ARHGEF28: variants seen among roughly 807,000 people sequenced by gnomAD.
ARHGEF28 encodes Rho guanine nucleotide exchange factor 28.
Under a neutral mutation model 206.6 loss-of-function variants are expected in ARHGEF28, and 152 were observed. That is an observed-to-expected ratio of 0.74 (90% CI 0.64 to 0.84). The LOEUF is 0.84. ARHGEF28 is among the 40% of genes least tolerant of loss of function. The pLI is 0.00. For missense variants in ARHGEF28, 2,028 were observed against 2,073.2 expected (o/e 0.98, Z 0.42); for synonymous variants, 763 against 776.4 (o/e 0.98, Z 0.29).
chr5:73,633,965 A>G lies in ARHGEF28; in HGVS notation c.-12+7643A>G, dbSNP rs1743538915. On this transcript the variant is annotated intron_variant, in intron 1 of 35. Transcript: ENST00000513042. ...TTTTTATGTATGTTGCTATGGAGCCATATATCCTCATTCATGGAATTGTGC... is the reference window on the plus strand; with the variant it reads ...TTTTTATGTATGTTGCTATGGAGCCGTATATCCTCATTCATGGAATTGTGC... Among the ~76,000 whole-genome samples, 3 of 152,188 alleles carry G rather than the reference A, an allele frequency of 2.0e-5. No homozygotes were observed. The South Asian group carries it at 6.2e-4, about 32-fold the overall frequency.
intron 9 of ARHGEF28, among the ~76,000 whole-genome samples, chr5:73,804,320 A>C (rs1307047550): frequency 6.6e-6 from 1 of 152,070 alleles, no homozygotes; most frequent in Non-Finnish European, 1.5e-5. Context: ...TTTCCTGTGA[A>C]TCAGAATTAT....
chr5:73,675,732 C>CAAAAAAA (rs35836692), intron 1 of ARHGEF28, among the ~76,000 whole-genome samples: 17 of 49,630 alleles, frequency 3.4e-4, no homozygotes, highest in African/African-American at 8.6e-4. Flanking sequence ...GACTCTGTCT[C>CAAAAAAA]AAAAAAAAAA....
intron 2 of ARHGEF28, among the ~76,000 whole-genome samples, chr5:73,746,993 G>T (rs1014184977): frequency 7.9e-5 from 12 of 152,094 alleles, no homozygotes; most frequent in Non-Finnish European, 1.8e-4. Flanking sequence ...AATGGGTTTT[G>T]ACTGGAATAC....
intron 9 of ARHGEF28, among the ~76,000 whole-genome samples, chr5:73,823,541 C>G (rs61403874): frequency 0.017 from 2,579 of 152,180 alleles, 76 homozygotes; most frequent in African/African-American, 0.059. Flanking sequence ...TCTTGAGTAT[C>G]TTGAAAGTTG....
At chr5:73,715,485 C>T (rs1749531318) in intron 2 of ARHGEF28, among the ~76,000 whole-genome samples, 1 of 152,160 alleles carries the variant, frequency 6.6e-6, no homozygotes, top group Admixed American at 6.5e-5. Flanking sequence ...CTGAAACTCA[C>T]ACAATGGGTG....
At chr5:73,918,520 T>C (rs1763343269) in intron 35 of ARHGEF28, among the ~76,000 whole-genome samples, 1 of 152,244 alleles carries the variant, frequency 6.6e-6, no homozygotes, top group South Asian at 2.1e-4. Flanking sequence ...TCTCATTTGC[T>C]CTTTATAATG....
intron 4 of ARHGEF28, among the ~76,000 whole-genome samples, chr5:73,755,562 T>A (rs1229526196): frequency 6.6e-6 from 1 of 152,126 alleles, no homozygotes; most frequent in Non-Finnish European, 1.5e-5. Flanking sequence ...AAACTAAGGG[T>A]CTCCAAAATG....
intron 35 of ARHGEF28, among the ~76,000 whole-genome samples, chr5:73,937,444 G>C (rs896106143): frequency 2.0e-5 from 3 of 152,200 alleles, no homozygotes; most frequent in African/African-American, 7.2e-5. Context: ...TGCTCTAAAG[G>C]TTAATAATGC....
At position 73,909,567 on chromosome 5, in the gene ARHGEF28, T is replaced by C. The variant is rs761246037; in HGVS notation, c.4317T>C (p.Asn1439=). ...DADRQHEELA[N]VHQLQHQLQQ... ...ACAGGCAGCATGAGGAGCTGGCCAATGTGCACCAGCTTCAGCACCAGCTCC... is the reference window on the plus strand; with the variant it reads ...ACAGGCAGCATGAGGAGCTGGCCAACGTGCACCAGCTTCAGCACCAGCTCC... Residue 1439 remains asparagine, a synonymous_variant, in exon 34 of 36, where the codon AAT becomes AAC. Coordinates refer to ENST00000513042, the MANE Select transcript of ARHGEF28 (RefSeq NM_001177693.2). 1.1e-5 allele frequency: 18 copies of C among 1,570,240 alleles called. No homozygotes were observed. The highest frequency in any genetic ancestry group is 1.6e-5 in the Non-Finnish European group (18 of 1,157,878).
Position 73,774,268 on chromosome 5 carries a change from GA to G in ARHGEF28, c.659+238del, listed in dbSNP as rs1212478424. Among the ~76,000 whole-genome samples, 9 of 151,756 alleles carry G rather than the reference GA, an allele frequency of 5.9e-5. No homozygotes were observed. The South Asian group carries it at 8.3e-4, about 14-fold the overall frequency. On this transcript the variant is annotated intron_variant, in intron 5 of 35. Transcript: ENST00000513042. ...AAAAGGCTCTGAAAGGAGTGATAAT[GA>G]AAAAAAATTGGGGAAACACTAGCAT... is the stretch of plus-strand genomic sequence containing the variant.
intron 11 of ARHGEF28, 55 bp from the exon 12 acceptor site, chr5:73,846,213 T>A: frequency 2.0e-6 from 3 of 1,499,164 alleles, no homozygotes; most frequent in Non-Finnish European, 2.8e-6. Flanking sequence ...TAGAAACCAA[T>A]GACGCTCTGT....
At chr5:73,736,798 G>T (rs996769394) in intron 2 of ARHGEF28, among the ~76,000 whole-genome samples, 1 of 141,694 alleles carries the variant, frequency 7.1e-6, no homozygotes, top group Non-Finnish European at 1.6e-5. Flanking sequence ...CCATGGTAAG[G>T]TTTGTAAACA....
rs949024005 is a variant in ARHGEF28 at position 73,914,967 on chromosome 5, C to T, written c.4948+3392C>T. On this transcript the variant is annotated intron_variant, in intron 35 of 35. Transcript: ENST00000513042. The stretch of plus-strand genomic sequence containing the variant: ...TATTGCCCAGGCGGGTCTTGAACTC[C>T]TGGACTGAAGCGATTGGCTGTTTCA... Among the ~76,000 whole-genome samples the T allele has an allele frequency of 3.9e-5, 6 of 152,102 alleles. No homozygotes were observed. In the East Asian group the frequency reaches 1.2e-3, roughly 29 times the overall value.
chr5:73,872,710 G>A (rs1422417220), intron 21 of ARHGEF28, among the ~76,000 whole-genome samples: 3 of 152,164 alleles, frequency 2.0e-5, no homozygotes, highest in Non-Finnish European at 4.4e-5. Flanking sequence ...CTAGCTGAAG[G>A]TATCTAAAGA....
intron 2 of ARHGEF28, among the ~76,000 whole-genome samples, chr5:73,729,264 G>T (rs565192363): frequency 1.3e-5 from 2 of 152,304 alleles, no homozygotes; most frequent in Admixed American, 6.5e-5. Flanking sequence ...AAGGACTGTT[G>T]TGGGATTAAA....
Position 73,664,879 on chromosome 5 carries a change from T to C in ARHGEF28, c.-11-19962T>C, listed in dbSNP as rs1745849309. On this transcript the variant is annotated intron_variant, in intron 1 of 35. Coordinates refer to ENST00000513042, the MANE Select transcript of ARHGEF28 (RefSeq NM_001177693.2). ...CACAAGTCATCACATTTCATTTTTT[T>C]CTTCTTCTCATATGCTTCTCCTTGG... Among the ~76,000 whole-genome samples the C allele has an allele frequency of 1.3e-5, 2 of 152,180 alleles. 1 individual carries two copies. Among genetic ancestry groups the C allele is most frequent in the South Asian group, 4.1e-4 (2 of 4,826 alleles).
chr5:73,932,800 C>CTTTTTTTTTTTT (rs386404110), intron 35 of ARHGEF28, among the ~76,000 whole-genome samples: 2 of 73,436 alleles, frequency 2.7e-5, no homozygotes, highest in African/African-American at 5.6e-5. Context: ...TTTCCTATTT[C>CTTTTTTTTTTTT]TTTTTTTTTT....
chr5:73,733,895 A>G (rs1365972400), intron 2 of ARHGEF28, among the ~76,000 whole-genome samples: 1 of 152,150 alleles, frequency 6.6e-6, no homozygotes, highest in Non-Finnish European at 1.5e-5. Flanking sequence ...CAGAAAACTT[A>G]CAGTCATGGC....
chr5:73,887,072 T>C (rs749570697), intron 25 of ARHGEF28, among the ~76,000 whole-genome samples: 11 of 152,240 alleles, frequency 7.2e-5, no homozygotes, highest in Non-Finnish European at 1.2e-4. Flanking sequence ...AACCTGTAGA[T>C]TCTATTGCTC....
Sources: gnomAD v4.1 joint callset for allele counts (sites outside exome capture counted in the v4.1 genomes callset) on GRCh38, gnomAD v4.1.1 for gene constraint, MANE v1.5 for transcripts, NCBI Gene and HGNC (gene_info 2026-07-23, HGNC 2026-07-21) for gene names.